The following PCDHA5 variants were observed in gnomAD, a reference collection of about 807,000 sequenced individuals.
PCDHA5 encodes the protein protocadherin alpha-5.
In PCDHA5, 43 loss-of-function variants were observed where a neutral mutation model predicts 61.6. The ratio of observed to expected loss-of-function variants is 0.70; its 90% CI spans 0.55 to 0.90. The LOEUF (loss-of-function observed/expected upper bound fraction) is 0.90, where lower values mean the gene tolerates loss of function less well. Among genes scored for constraint, PCDHA5 ranks in the 40% least tolerant of loss-of-function variants. The pLI, the probability that PCDHA5 is intolerant of heterozygous loss-of-function variation, is 0.00. For missense variants in PCDHA5, 1,298 were observed against 1,222.7 expected, an observed-to-expected ratio of 1.06 and a Z score of -0.92; for synonymous variants, 627 against 543.9, an observed-to-expected ratio of 1.15 and a Z score of -2.13.
intron 3 of PCDHA5, among the ~76,000 whole-genome samples, chr5:140,997,668 T>TTG (rs35184029): frequency 0.084 from 12,442 of 148,286 alleles, 534 homozygotes; most frequent in Admixed American, 0.1. Flanking sequence ...ATTATACAGC[T>TTG]TGTGTGTGTG....
intron 1 of PCDHA5, chr5:140,875,208 C>T (rs1297860404): frequency 3.0e-6 from 2 of 668,426 alleles, no homozygotes; most frequent in Non-Finnish European, 2.2e-6. Context: ...GTGGCTAAAC[C>T]GAAAAGAACC....
intron 1 of PCDHA5, chr5:140,871,449 G>T (rs782722272): frequency 2.7e-5 from 43 of 1,608,644 alleles, no homozygotes; most frequent in Non-Finnish European, 3.7e-5. Flanking sequence ...TGAATAAAGA[G>T]GAGGAAGGGG....
rs1554145527 is a variant in PCDHA5, at chr5:140,851,758, C to T, written c.2352+27631C>T. The T allele has an allele frequency of 1.1e-5, 11 of 969,794 alleles. 1 individual carries two copies. The highest frequency in any genetic ancestry group is 1.4e-5 in the Non-Finnish European group (11 of 802,714). 60.1% of individuals were successfully genotyped at this position (969,794 alleles called of 1,614,324 possible). ...GAAATTCAGAGTCTGTAACTTAAAACATTACCCTTATGAATTTAGATGAGA... is the reference window on the plus strand; with the variant it reads ...GAAATTCAGAGTCTGTAACTTAAAATATTACCCTTATGAATTTAGATGAGA... On this transcript the variant is annotated intron_variant, in intron 1 of 3. Transcript: ENST00000529859.
At chr5:140,876,705 C>A (rs369536692) in intron 1 of PCDHA5, 2 of 1,614,122 alleles carry the variant, frequency 1.2e-6, no homozygotes, top group Non-Finnish European at 1.7e-6. Context: ...TGCTGGACAG[C>A]GCCCTGGACC....
chr5:140,936,710 A>G (rs2091103513), intron 1 of PCDHA5, among the ~76,000 whole-genome samples: 1 of 152,216 alleles, frequency 6.6e-6, no homozygotes. Flanking sequence ...TTCTTGTGCC[A>G]ATACATTCTG....
intron 1 of PCDHA5, among the ~76,000 whole-genome samples, chr5:140,908,155 G>C (rs559304647): frequency 6.6e-6 from 1 of 152,194 alleles, no homozygotes; most frequent in Non-Finnish European, 1.5e-5. Context: ...TCCTAGGAAG[G>C]GGCTGTAGTG....
intron 1 of PCDHA5, among the ~76,000 whole-genome samples, chr5:140,964,646 G>A (rs1554227128): frequency 6.6e-6 from 1 of 152,004 alleles, no homozygotes; most frequent in African/African-American, 2.4e-5. Context: ...TCAGAAACAA[G>A]TAATGGGTGA....
At chr5:140,884,049 T>C (rs1268930422) in intron 1 of PCDHA5, 2 of 1,613,296 alleles carry the variant, frequency 1.2e-6, no homozygotes, top group African/African-American at 1.3e-5. Flanking sequence ...GTGGCGAAGG[T>C]GCGCGCGGTG....
intron 1 of PCDHA5, chr5:140,836,407 C>A: frequency 6.2e-7 from 1 of 1,613,770 alleles, no homozygotes; most frequent in Non-Finnish European, 8.5e-7. Context: ...AGCGGCCAGG[C>A]ACCAAAGGCG....
In PCDHA5 at chr5:140,895,583, A is replaced by C. The variant is rs545210218; in HGVS notation, c.2352+71456A>C. On this transcript the variant is annotated intron_variant, in intron 1 of 3. Coordinates refer to ENST00000529859, the MANE Select transcript of PCDHA5 (RefSeq NM_018908.3). ...ATATTCTAGATGCAATTACTTTATT[A>C]GATATATAATTTGCAAAGATTTTCT... Among the ~76,000 whole-genome samples, 15 of 152,292 alleles carry C rather than the reference A, an allele frequency of 9.8e-5. No individual in the cohort carries two copies. In the South Asian group the frequency reaches 3.1e-3, roughly 32 times the overall value.
rs145391750 is a variant in PCDHA5, at chr5:140,989,649, A to G, written c.2500+7086A>G. On this transcript the variant is annotated intron_variant, in intron 3 of 3. Coordinates refer to ENST00000529859, the MANE Select transcript of PCDHA5 (RefSeq NM_018908.3). ...GTGACAGCAAGGGTCTTTCATGGCA[A>G]TATTTTAAAAGAAACTCTGCCCAGA... 1.8e-3 allele frequency among the ~76,000 whole-genome samples: 268 copies of G among 152,316 alleles called. 1 individual carries two copies. The highest frequency in any genetic ancestry group is 6.3e-3 in the African/African-American group (263 of 41,564).
rs2150346065 is a variant in PCDHA5, at chr5:140,842,843, A to G, written c.2352+18716A>G. On this transcript the variant is annotated intron_variant, in intron 1 of 3. Coordinates refer to ENST00000529859, the MANE Select transcript of PCDHA5 (RefSeq NM_018908.3). ...GGGCGAGCGCTCGCTGTCGAGCTAC[A>G]TTTCGGTGCACACGGAGAGCGGCAA... 1.1e-5 allele frequency: 17 copies of G among 1,593,618 alleles called. 1 individual carries two copies. The South Asian group carries it at 1.8e-4, about 17-fold the overall frequency.
intron 1 of PCDHA5, among the ~76,000 whole-genome samples, chr5:140,909,950 C>T (rs940175754): frequency 1.3e-5 from 2 of 152,168 alleles, no homozygotes; most frequent in African/African-American, 4.8e-5. Flanking sequence ...GGTAAAAAGC[C>T]GTAGGTCTCC....
At chr5:140,934,695 T>G (rs155824) in intron 1 of PCDHA5, among the ~76,000 whole-genome samples, 48,210 of 151,950 alleles carry the variant, frequency 0.32, 7,985 homozygotes, top group East Asian at 0.53. Flanking sequence ...ATGAATTGAT[T>G]CCTGGCCATC....
chr5:140,982,843 A>G (rs782122104), intron 3 of PCDHA5, among the ~76,000 whole-genome samples: 1 of 152,090 alleles, frequency 6.6e-6, no homozygotes, highest in Non-Finnish European at 1.5e-5. Flanking sequence ...GTTTGTTTAA[A>G]TCAGGTACCT....
intron 1 of PCDHA5, chr5:140,829,384 C>T (rs1226785710): frequency 3.1e-6 from 5 of 1,614,060 alleles, no homozygotes; most frequent in Non-Finnish European, 4.2e-6. Context: ...GGGACGGGGG[C>T]TCGCCTTCGC....
intron 1 of PCDHA5, chr5:140,967,956 A>C: frequency 6.2e-7 from 1 of 1,614,172 alleles, no homozygotes; most frequent in Non-Finnish European, 8.5e-7. Context: ...TCAGGCCCCA[A>C]CCGGAAAGTG....
intron 1 of PCDHA5, among the ~76,000 whole-genome samples, chr5:140,953,819 G>A (rs782420849): frequency 1.3e-5 from 2 of 151,904 alleles, no homozygotes; most frequent in Non-Finnish European, 1.5e-5. Context: ...GCATGTGCTA[G>A]TTGTGCAGGT....
intron 1 of PCDHA5, chr5:140,882,808 G>A (rs1554175666): frequency 6.2e-7 from 1 of 1,614,208 alleles, no homozygotes; most frequent in Non-Finnish European, 8.5e-7. Flanking sequence ...ATTTCACTTT[G>A]GACGCACAAA....
Sources: allele counts gnomAD v4.1 joint callset (sites outside exome capture counted in the v4.1 genomes callset), GRCh38; gene constraint gnomAD v4.1.1; transcripts MANE v1.5; gene names NCBI Gene and HGNC (gene_info 2026-07-23, HGNC 2026-07-21).